Variants in EIF4G3 observed in about 807,000 individuals in gnomAD.
The protein encoded by EIF4G3 is eIF-4-gamma 3.
Under a neutral mutation model 186.4 loss-of-function variants are expected in EIF4G3, and 34 were observed. The ratio of observed to expected loss-of-function variants is 0.18; its 90% CI spans 0.14 to 0.24. EIF4G3 has a LOEUF of 0.24. Ranked by LOEUF, EIF4G3 falls within the 10% of genes least tolerant of loss-of-function variation. EIF4G3 has a pLI of 1.00. For missense variants in EIF4G3, 1,536 were observed against 1,948.5 expected (o/e 0.79, Z 3.99); for synonymous variants, 673 against 679.5 (o/e 0.99, Z 0.15).
chr1:20,873,694 A>G (rs1420506144), intron 20 of EIF4G3, among the ~76,000 whole-genome samples: 2 of 149,462 alleles, frequency 1.3e-5, no homozygotes, highest in African/African-American at 2.5e-5. Context: ...CTAATAATGA[A>G]TAACATTGAA....
intron 33 of EIF4G3, among the ~76,000 whole-genome samples, chr1:20,824,564 C>T (rs982265060): frequency 2.0e-5 from 3 of 152,124 alleles, no homozygotes; most frequent in African/African-American, 7.2e-5. Context: ...TCCTATAGGA[C>T]CAGATTATAC....
At chr1:21,152,274 C>T (rs549400092) in intron 2 of EIF4G3, among the ~76,000 whole-genome samples, 34 of 133,834 alleles carry the variant, frequency 2.5e-4, no homozygotes, top group Middle Eastern at 4.7e-3. Flanking sequence ...AAGGTCAGTG[C>T]TGCAGTGAGC....
At chr1:20,831,022 A>C (rs1406338368) in intron 30 of EIF4G3, among the ~76,000 whole-genome samples, 2 of 152,232 alleles carry the variant, frequency 1.3e-5, no homozygotes, top group East Asian at 1.9e-4. Context: ...AGCTGAAAAA[A>C]TGAAACAGAG....
chr1:20,944,585 G>C (rs1284104370), intron 13 of EIF4G3, among the ~76,000 whole-genome samples: 1 of 151,910 alleles, frequency 6.6e-6, no homozygotes, highest in Non-Finnish European at 1.5e-5. Flanking sequence ...CAGAGAGAGA[G>C]AGAAAAAGAG....
intron 4 of EIF4G3, among the ~76,000 whole-genome samples, chr1:21,032,203 A>G (rs1449764069): frequency 6.6e-6 from 1 of 152,216 alleles, no homozygotes. Context: ...GTTTCCCTGC[A>G]GACAAGCCGA....
At chr1:20,820,806 C>T (rs1432646034) in intron 33 of EIF4G3, among the ~76,000 whole-genome samples, 1 of 152,022 alleles carries the variant, frequency 6.6e-6, no homozygotes, top group African/African-American at 2.4e-5. Context: ...CAGAGATGAC[C>T]TGCCAGGAGA....
At chr1:20,928,974 G>A (rs1002628759) in intron 14 of EIF4G3, among the ~76,000 whole-genome samples, 2 of 152,120 alleles carry the variant, frequency 1.3e-5, no homozygotes, top group African/African-American at 4.8e-5. Flanking sequence ...CATACAAATG[G>A]AATCATATAA....
intron 22 of EIF4G3, among the ~76,000 whole-genome samples, chr1:20,863,804 T>C (rs1340694386): frequency 2.0e-5 from 3 of 151,118 alleles, no homozygotes; most frequent in African/African-American, 7.3e-5. Flanking sequence ...CTTTTGCCCC[T>C]TTTCCTACCT....
chr1:20,849,498 C>A lies in EIF4G3; in HGVS notation c.3805G>T (p.Asp1269Tyr). 2 of 1,551,322 alleles carry A rather than the reference C, an allele frequency of 1.3e-6. No homozygotes were observed. The highest frequency in any genetic ancestry group is 1.7e-6 in the Non-Finnish European group (2 of 1,155,104). The change falls in exon 29 of 37, where the codon GAC becomes TAC. Residue 1269 changes from aspartate to tyrosine, a missense_variant. By Grantham distance (160) the Asp-to-Tyr change is radical (BLOSUM62 -3). Around this residue, in one of 11 missense-constraint regions of EIF4G3, gnomAD observed 395 missense variants for 498.9 expected, o/e 0.79. Transcript: ENST00000602326. ...KPEISAMSAH[D>Y]KAALSEEELE... ...TCCTCTTCTGATAATGCAGCCTTGT[C>A]ATGAGCTGACATTGCTGAAATTTCT...
chr1:20,854,997 T>A lies in EIF4G3; in HGVS notation c.3414A>T (p.Gly1138=). The change falls in exon 26 of 37, where the codon GGA becomes GGT. Residue 1138 remains glycine, a synonymous_variant. Transcript: ENST00000602326. ...LGSWGKGSSG[G]AKASETDALR... ...ACTTACCAGTCTCACTTGCCTTTGC[T>A]CCACCACTGCTGCCTTTTCCCCAGC... 1 of 1,613,848 alleles carries A rather than the reference T, an allele frequency of 6.2e-7. No homozygotes were observed. Among genetic ancestry groups the A allele is most frequent in the Non-Finnish European group, 8.5e-7 (1 of 1,179,784 alleles).
chr1:20,981,351 T>G, intron 8 of EIF4G3, 124 bp from the exon 9 acceptor site: 1 of 691,398 alleles, frequency 1.4e-6, no homozygotes, highest in Non-Finnish European at 2.3e-6. Context: ...ACAATATGCA[T>G]AAAAAGAATA....
At chr1:20,939,808 G>C (rs1186339231) in intron 14 of EIF4G3, among the ~76,000 whole-genome samples, 1 of 150,938 alleles carries the variant, frequency 6.6e-6, no homozygotes, top group Non-Finnish European at 1.5e-5. Flanking sequence ...TTTCTTCGGA[G>C]GGCATTTACC....
chr1:21,109,234 G>GTTT (rs1359919931), intron 2 of EIF4G3, among the ~76,000 whole-genome samples: 19 of 152,080 alleles, frequency 1.2e-4, no homozygotes, highest in Non-Finnish European at 2.5e-4. Flanking sequence ...AGCTACAAGG[G>GTTT]TTTTGTACCC....
chr1:20,833,317 G>T (rs1347959905), intron 30 of EIF4G3, among the ~76,000 whole-genome samples: 1 of 152,008 alleles, frequency 6.6e-6, no homozygotes, highest in Non-Finnish European at 1.5e-5. Flanking sequence ...TCCTTGAAGA[G>T]GTCCTTCAAG....
chr1:20,844,071 G>A (rs1183772379), intron 29 of EIF4G3, among the ~76,000 whole-genome samples: 2 of 152,152 alleles, frequency 1.3e-5, no homozygotes, highest in Admixed American at 6.6e-5. Context: ...GGGCATTTAG[G>A]TTGATTGCAT....
At chr1:20,951,272 TACA>T (rs1353543029) in intron 12 of EIF4G3, among the ~76,000 whole-genome samples, 1 of 152,148 alleles carries the variant, frequency 6.6e-6, no homozygotes, top group African/African-American at 2.4e-5. Flanking sequence ...TTTCAGAATG[TACA>T]ACATGAAATT....
At chr1:21,079,115 T>C (rs1202935672) in intron 3 of EIF4G3, among the ~76,000 whole-genome samples, 1 of 152,214 alleles carries the variant, frequency 6.6e-6, no homozygotes, top group Non-Finnish European at 1.5e-5. Context: ...AATGATATAT[T>C]TGCCATCTGT....
chr1:21,073,950 GT>G (rs1439475470), intron 3 of EIF4G3, among the ~76,000 whole-genome samples: 1 of 151,944 alleles, frequency 6.6e-6, no homozygotes, highest in Non-Finnish European at 1.5e-5. Flanking sequence ...GAAATGATCA[GT>G]TTTAAATCTT....
intron 34 of EIF4G3, among the ~76,000 whole-genome samples, chr1:20,816,455 C>A (rs1240632742): frequency 8.6e-6 from 1 of 116,768 alleles, no homozygotes; most frequent in African/African-American, 3.3e-5. Context: ...AAGTGAGGAC[C>A]CCTCTGCCCG....
Sources: gnomAD v4.1 joint callset for allele counts (sites outside exome capture counted in the v4.1 genomes callset) on GRCh38, gnomAD v4.1.1 for gene constraint, gnomAD v4.1.1 regional missense constraint, MANE v1.5 for transcripts, NCBI Gene and HGNC (gene_info 2026-07-23, HGNC 2026-07-21) for gene names.